The following BEST3 variants were observed in gnomAD, a reference collection of about 807,000 sequenced individuals.
BEST3 encodes the protein bestrophin 3, also known as bestrophin-3.
A neutral mutation model predicts 47.1 loss-of-function variants in BEST3; 50 were observed. The ratio of observed to expected loss-of-function variants is 1.06; its 90% CI spans 0.85 to 1.34. BEST3 has a LOEUF of 1.34. Ranked by LOEUF, BEST3 falls within the 40% of genes most tolerant of loss-of-function variation. The pLI, the probability that BEST3 is intolerant of heterozygous loss-of-function variation, is 0.00. For synonymous variants in BEST3, 282 were observed against 298.8 expected (o/e 0.94, Z 0.58); for missense variants, 765 against 817.0 (o/e 0.94, Z 0.78).
intron 9 of BEST3, among the ~76,000 whole-genome samples, chr12:69,656,532 T>C (rs1200637103): frequency 6.6e-6 from 1 of 152,150 alleles, no homozygotes; most frequent in Non-Finnish European, 1.5e-5. Flanking sequence ...CTCACATTTA[T>C]TGACTATATA....
intron 9 of BEST3, among the ~76,000 whole-genome samples, chr12:69,646,569 C>T (rs557566168): frequency 4.5e-4 from 68 of 152,216 alleles, no homozygotes; most frequent in African/African-American, 1.5e-3. Context: ...GGCAAGTGGG[C>T]ACATGTCTCA....
chr12:69,672,274 T>A (rs545683803), intron 8 of BEST3, among the ~76,000 whole-genome samples: 3 of 152,302 alleles, frequency 2.0e-5, no homozygotes, highest in Admixed American at 6.5e-5. Context: ...AAATGAAAAA[T>A]GTGAAGGCCT....
Position 69,672,180 on chromosome 12 carries a change from T to A in BEST3, c.949-601A>T, listed in dbSNP as rs73135852. On this transcript the variant is annotated intron_variant, in intron 8 of 9. Coordinates refer to ENST00000330891, the MANE Select transcript of BEST3 (RefSeq NM_032735.3). ...TTTGACAAAGTGAGTGACCTAGGCA[T>A]TATGCGTCCTCCCTAAGAGACTGAC... 2.9e-3 allele frequency among the ~76,000 whole-genome samples: 437 copies of A among 152,346 alleles called. 3 individuals are homozygous for A. Among genetic ancestry groups the A allele is most frequent in the Non-Finnish European group, 4.2e-3 (287 of 68,028 alleles).
Position 69,653,919 on chromosome 12 carries a change from T to A in BEST3, c.*988A>T. The stretch of plus-strand genomic sequence containing the variant: ...CAAGTTAAACAGATGTGAGTCATCT[T>A]ATTCTTTGGTTCCATAGCATTTGGC... On this transcript the variant is annotated 3_prime_UTR_variant, in exon 10 of 10. Coordinates refer to ENST00000330891, the MANE Select transcript of BEST3 (RefSeq NM_032735.3). The A allele has an allele frequency of 1.0e-6, 1 of 985,464 alleles. No individual in the cohort carries two copies. Among genetic ancestry groups the A allele is most frequent in the Middle Eastern group, 5.2e-4 (1 of 1,914 alleles). The allele number at this position is 985,464 out of a possible 1,614,324, so 61.0% of individuals were successfully genotyped here.
chr12:69,652,521 T>C (rs1883244155), downstream of BEST3, among the ~76,000 whole-genome samples: 2 of 152,238 alleles, frequency 1.3e-5, no homozygotes, highest in Non-Finnish European at 2.9e-5. Context: ...ATTGAGCATG[T>C]CATAATTTAG....
In BEST3 at chr12:69,681,823, G is replaced by C. The variant is rs555123071; in HGVS notation, c.482-2930C>G. 7.9e-5 allele frequency among the ~76,000 whole-genome samples: 12 copies of C among 151,992 alleles called. No homozygotes were observed. In the South Asian group the frequency reaches 2.3e-3, roughly 29 times the overall value. ...CAGCAAGGCGTGGTGGCTCACGCCT[G>C]TAATCCCAGCACTTTGGGAGGCCGA... On this transcript the variant is annotated intron_variant, in intron 4 of 9. Transcript: ENST00000330891.
chr12:69,646,771 C>T (rs948092319), intron 9 of BEST3, among the ~76,000 whole-genome samples: 11 of 152,148 alleles, frequency 7.2e-5, no homozygotes, highest in East Asian at 3.9e-4. Flanking sequence ...TGAAAGTAAT[C>T]GGGTTCCATT....
At chr12:69,695,065 T>G (rs1298466366) in intron 2 of BEST3, among the ~76,000 whole-genome samples, 2 of 152,178 alleles carry the variant, frequency 1.3e-5, no homozygotes, top group Non-Finnish European at 2.9e-5. Flanking sequence ...CTCTCAAAAT[T>G]TATATTATAG....
chr12:69,691,415 G>A (rs1885918212), intron 4 of BEST3, among the ~76,000 whole-genome samples: 1 of 152,276 alleles, frequency 6.6e-6, no homozygotes, highest in South Asian at 2.1e-4. Context: ...CCCTTACTCC[G>A]TGTTCTTAAT....
In BEST3 at chr12:69,678,893, C is replaced by A; in HGVS notation, c.482G>T (p.Gly161Val). 1 of 1,611,558 alleles carries A rather than the reference C, an allele frequency of 6.2e-7. No homozygotes were observed. Among genetic ancestry groups the A allele is most frequent in the Non-Finnish European group, 8.5e-7 (1 of 1,178,686 alleles). The change falls in exon 5 of 10, where the codon GGT becomes GTT. Residue 161 changes from glycine to valine, a missense_variant and splice_region_variant. Physicochemically the swap from Gly to Val is moderately radical, Grantham distance 109 (BLOSUM62 -3). Coordinates refer to ENST00000330891, the MANE Select transcript of BEST3 (RefSeq NM_032735.3). Reference sequence around the variant, plus strand: ...TTTCCTTTCATCTGTTGTCATAAAACCTTTACAAAAAAATAAAAATCGGTA... The same window carrying A: ...TTTCCTTTCATCTGTTGTCATAAAAACTTTACAAAAAAATAAAAATCGGTA... Reference protein sequence around the residue: ...FPTMDHVVEAGFMTTDERKLF... With the variant: ...FPTMDHVVEAVFMTTDERKLF...
At chr12:69,690,294 T>C (rs1445522861) in intron 4 of BEST3, among the ~76,000 whole-genome samples, 1 of 152,224 alleles carries the variant, frequency 6.6e-6, no homozygotes, top group African/African-American at 2.4e-5. Context: ...AGTATTTCAG[T>C]ATTCCACATG....
At chr12:69,669,746 C>A (rs1884445868) in intron 9 of BEST3, 1 of 152,110 alleles carries the variant, frequency 6.6e-6, no homozygotes, top group Non-Finnish European at 1.5e-5. Flanking sequence ...TCTTGTCAAT[C>A]CCTATTTCTG....
intron 9 of BEST3, among the ~76,000 whole-genome samples, chr12:69,656,859 C>T (rs1883533936): frequency 6.6e-6 from 1 of 151,996 alleles, no homozygotes; most frequent in Admixed American, 6.6e-5. Flanking sequence ...AAAGCACAGT[C>T]CTTGCTCAGA....
At chr12:69,686,344 G>A (rs536851570) in intron 4 of BEST3, among the ~76,000 whole-genome samples, 87 of 152,268 alleles carry the variant, frequency 5.7e-4, no homozygotes, top group African/African-American at 2.0e-3. Flanking sequence ...TGCCAGAAAC[G>A]CAAATGTGGT....
chr12:69,646,011 A>T (rs1040017736), intron 9 of BEST3, among the ~76,000 whole-genome samples: 9 of 152,106 alleles, frequency 5.9e-5, no homozygotes, highest in African/African-American at 2.2e-4. Flanking sequence ...ATCTCGGCTC[A>T]CTGCAACCTC....
chr12:69,691,753 C>T (rs1044087366), intron 4 of BEST3, among the ~76,000 whole-genome samples: 2 of 152,202 alleles, frequency 1.3e-5, no homozygotes, highest in Admixed American at 1.3e-4. Context: ...GATAGCGCCA[C>T]TTCACTCCAG....
intron 9 of BEST3, among the ~76,000 whole-genome samples, chr12:69,647,931 A>AAAAAGC (rs1883090857): frequency 6.6e-6 from 1 of 152,230 alleles, no homozygotes; most frequent in Non-Finnish European, 1.5e-5. Context: ...CCATTAGATA[A>AAAAAGC]AAAAGCAAAG....
chr12:69,671,151 T>C (rs1456462628), intron 9 of BEST3, among the ~76,000 whole-genome samples: 1 of 152,196 alleles, frequency 6.6e-6, no homozygotes, highest in Non-Finnish European at 1.5e-5. Flanking sequence ...ATATTTATTT[T>C]AATTTTCGTG....
intron 2 of BEST3, among the ~76,000 whole-genome samples, chr12:69,695,542 T>G (rs917775708): frequency 2.0e-5 from 3 of 152,124 alleles, no homozygotes; most frequent in Admixed American, 1.3e-4. Flanking sequence ...GGTACCAGAT[T>G]GTTGCAGAGG....
Sources: allele counts gnomAD v4.1 joint callset (sites outside exome capture counted in the v4.1 genomes callset), GRCh38; gene constraint gnomAD v4.1.1; transcripts MANE v1.5; gene names NCBI Gene and HGNC (gene_info 2026-07-23, HGNC 2026-07-21).